Variants in PKIA observed in about 807,000 individuals in gnomAD.
PKIA encodes the protein PKI-alpha.
PKIA carries 4 observed loss-of-function variants against 7.6 expected under a neutral mutation model. The observed-to-expected ratio is 0.52, with a 90% CI of 0.26 to 1.20. The LOEUF (loss-of-function observed/expected upper bound fraction) is 1.20. PKIA is among the 50% of genes most tolerant of loss of function. The probability of loss-of-function intolerance (pLI) is 0.13; values close to 1 mark genes in which losing one functional copy is unlikely to be tolerated. For missense variants in PKIA, 73 were observed against 86.2 expected, an observed-to-expected ratio of 0.85 and a Z score of 0.61; for synonymous variants, 21 against 30.7, an observed-to-expected ratio of 0.68 and a Z score of 1.04.
intron 1 of PKIA, among the ~76,000 whole-genome samples, chr8:78,539,758 A>C (rs1470513061): frequency 6.6e-6 from 1 of 152,038 alleles, no homozygotes; most frequent in African/African-American, 2.4e-5. Context: ...AATTAAAGAA[A>C]TCCTCACATT....
intron 1 of PKIA, among the ~76,000 whole-genome samples, chr8:78,544,712 G>C (rs1464710018): frequency 6.6e-6 from 1 of 152,212 alleles, no homozygotes; most frequent in African/African-American, 2.4e-5. Context: ...TAAATGTCCA[G>C]TGTAGTACAG....
intron 1 of PKIA, among the ~76,000 whole-genome samples, chr8:78,536,996 C>T (rs1806543735): frequency 6.6e-6 from 1 of 151,164 alleles, no homozygotes; most frequent in Non-Finnish European, 1.5e-5. Context: ...TTTACCTTTC[C>T]TTCTCTAAGA....
rs557032603 is a variant in PKIA at position 78,572,813 on chromosome 8, T to C, written c.-154T>C. 11 of 152,178 alleles carry C rather than the reference T, an allele frequency of 7.2e-5. 1 individual carries two copies. The highest frequency in any genetic ancestry group is 2.0e-4 in the Admixed American group (3 of 15,254). The allele number at this position is 152,178 out of a possible 1,614,324, so 9.4% of individuals were successfully genotyped here. A position where few individuals can be genotyped will look rare whatever the true frequency, so the allele number is the denominator to read the frequency against. ...TTCTCTTGCTATCTGCATTTCAGTT[T>C]CCTGACTTTCTGAGAAGCCCTGGTT... On this transcript the variant is annotated splice_region_variant and 5_prime_UTR_variant, in exon 2 of 4. Transcript: ENST00000396418.
intron 2 of PKIA, among the ~76,000 whole-genome samples, chr8:78,597,391 C>A (rs1474302482): frequency 1.3e-5 from 2 of 152,086 alleles, no homozygotes; most frequent in Non-Finnish European, 2.9e-5. Flanking sequence ...AATGACTTAT[C>A]AAGGGGAACG....
At position 78,604,609 on chromosome 8, in the gene PKIA, T is replaced by C. The variant is rs1044034042; in HGVS notation, c.*2788T>C. 5 of 151,946 alleles carry C rather than the reference T, an allele frequency of 3.3e-5. No homozygotes were observed. The highest frequency in any genetic ancestry group is 1.2e-4 in the African/African-American group (5 of 41,380). The allele number at this position is 151,946 out of a possible 1,614,324, so 9.4% of individuals were successfully genotyped here. A position where few individuals can be genotyped will look rare whatever the true frequency, so the allele number is the denominator to read the frequency against. ...CTTTTTTAAAAAAAAGAAATTCAAT[T>C]ATGTCTTATTTGGGGGGTATATTTC... is the stretch of plus-strand genomic sequence containing the variant. On this transcript the variant is annotated 3_prime_UTR_variant, in exon 4 of 4. Coordinates refer to ENST00000396418, the MANE Select transcript of PKIA (RefSeq NM_006823.4).
chr8:78,528,749 C>T (rs534479067), intron 1 of PKIA, among the ~76,000 whole-genome samples: 2 of 151,452 alleles, frequency 1.3e-5, no homozygotes, highest in South Asian at 2.1e-4. Context: ...GGGGGATCAC[C>T]TGAGGCCAAG....
intron 1 of PKIA, among the ~76,000 whole-genome samples, chr8:78,525,790 C>A (rs997338830): frequency 6.6e-6 from 1 of 151,900 alleles, no homozygotes; most frequent in Non-Finnish European, 1.5e-5. Flanking sequence ...CTCCCTTTTG[C>A]TATTTATTTT....
At chr8:78,589,639 T>A (rs1333096695) in intron 2 of PKIA, among the ~76,000 whole-genome samples, 1 of 152,184 alleles carries the variant, frequency 6.6e-6, no homozygotes, top group African/African-American at 2.4e-5. Flanking sequence ...ACTAAGCAAG[T>A]CAGTGGCACT....
At chr8:78,524,222 ATATT>A (rs936629607) in intron 1 of PKIA, among the ~76,000 whole-genome samples, 28 of 135,524 alleles carry the variant, frequency 2.1e-4, no homozygotes, top group Middle Eastern at 7.6e-3. Flanking sequence ...ATAAACATTT[ATATT>A]TATATATAAA....
At chr8:78,578,829 G>T (rs1265067439) in intron 2 of PKIA, among the ~76,000 whole-genome samples, 1 of 151,886 alleles carries the variant, frequency 6.6e-6, no homozygotes, top group Non-Finnish European at 1.5e-5. Context: ...TAGTCCCATT[G>T]CTTCAATAGG....
At chr8:78,539,802 C>A (rs750998920) in intron 1 of PKIA, among the ~76,000 whole-genome samples, 2 of 151,780 alleles carry the variant, frequency 1.3e-5, no homozygotes, top group Non-Finnish European at 1.5e-5. Context: ...ATGTAATAAA[C>A]CTAATTATAT....
chr8:78,600,278 G>T (rs1563596205), intron 3 of PKIA, among the ~76,000 whole-genome samples: 1 of 151,786 alleles, frequency 6.6e-6, no homozygotes, highest in African/African-American at 2.4e-5. Context: ...ACGTCACTAA[G>T]AATTGTGAGG....
chr8:78,560,125 C>T (rs1585899033), intron 1 of PKIA, among the ~76,000 whole-genome samples: 2 of 152,260 alleles, frequency 1.3e-5, no homozygotes, highest in African/African-American at 2.4e-5. Context: ...ACATCTGGAA[C>T]CCTGATTATA....
intron 1 of PKIA, among the ~76,000 whole-genome samples, chr8:78,561,875 G>A (rs1031481692): frequency 1.3e-5 from 2 of 152,168 alleles, no homozygotes; most frequent in South Asian, 4.1e-4. Context: ...GTTAGTAATA[G>A]CTGCTCTATT....
At chr8:78,517,099 G>T (rs150968380) in intron 1 of PKIA, among the ~76,000 whole-genome samples, 1 of 152,292 alleles carries the variant, frequency 6.6e-6, no homozygotes, top group African/African-American at 2.4e-5. Context: ...TTTCGGAGAT[G>T]CTGTGCCCAT....
chr8:78,582,560 A>G (rs1046010805), intron 2 of PKIA, among the ~76,000 whole-genome samples: 6 of 152,120 alleles, frequency 3.9e-5, no homozygotes, highest in African/African-American at 1.4e-4. Flanking sequence ...TTGGGTGGGA[A>G]CACAAAGCCA....
chr8:78,602,502 C>T lies in PKIA; in HGVS notation c.*681C>T, dbSNP rs1808370202. 1.3e-5 allele frequency: 2 copies of T among 152,218 alleles called. No homozygotes were observed. Among genetic ancestry groups the T allele is most frequent in the African/African-American group, 2.4e-5 (1 of 41,364 alleles). 9.4% of individuals were successfully genotyped at this position (152,218 alleles called of 1,614,324 possible). On this transcript the variant is annotated 3_prime_UTR_variant, in exon 4 of 4. Transcript: ENST00000396418. ...CCTTTTTTAAAACACAGTCTTTCCC[C>T]TTGCTCATTGTATGTTGATGAGTTG...
At chr8:78,527,977 C>T (rs1806289493) in intron 1 of PKIA, among the ~76,000 whole-genome samples, 1 of 151,962 alleles carries the variant, frequency 6.6e-6, no homozygotes, top group African/African-American at 2.4e-5. Flanking sequence ...TAGACTTGTT[C>T]TTTGTGAATT....
At chr8:78,572,582 A>G (rs1229826571) in intron 1 of PKIA, among the ~76,000 whole-genome samples, 1 of 150,226 alleles carries the variant, frequency 6.7e-6, no homozygotes, top group African/African-American at 2.5e-5. Context: ...CAATTAATTA[A>G]CAAAGGCTAA....
Sources: allele counts gnomAD v4.1 joint callset (sites outside exome capture counted in the v4.1 genomes callset), GRCh38; gene constraint gnomAD v4.1.1; transcripts MANE v1.5; gene names NCBI Gene and HGNC (gene_info 2026-07-23, HGNC 2026-07-21).